CDH12: variants seen among roughly 807,000 people sequenced by gnomAD.
CDH12 encodes cadherin-12.
Under a neutral mutation model 74.1 loss-of-function variants are expected in CDH12, and 41 were observed. The observed-to-expected ratio is 0.55, with a 90% CI of 0.43 to 0.72. The LOEUF (loss-of-function observed/expected upper bound fraction) is 0.72, where lower values mean the gene tolerates loss of function less well. Ranked by LOEUF, CDH12 falls within the 30% of genes least tolerant of loss-of-function variation. The pLI, the probability that CDH12 is intolerant of heterozygous loss-of-function variation, is 0.00. For missense variants in CDH12, 945 were observed against 977.2 expected (o/e 0.97, Z 0.44); for synonymous variants, 399 against 355.0 (o/e 1.12, Z -1.39).
intron 2 of CDH12, among the ~76,000 whole-genome samples, chr5:22,497,638 C>CTTTTTTTTTT (rs747466944): frequency 3.6e-5 from 3 of 83,248 alleles, no homozygotes; most frequent in Non-Finnish European, 4.2e-5. Flanking sequence ...TGTCGAATCT[C>CTTTTTTTTTT]TTTTTTTTTT....
chr5:22,299,162 C>A (rs1737757647), intron 3 of CDH12, among the ~76,000 whole-genome samples: 1 of 152,064 alleles, frequency 6.6e-6, no homozygotes, highest in African/African-American at 2.4e-5. Context: ...AGAGGAAGTG[C>A]AAACCTCAGG....
intron 3 of CDH12, among the ~76,000 whole-genome samples, chr5:22,396,791 A>G (rs901332289): frequency 4.6e-5 from 7 of 152,052 alleles, no homozygotes; most frequent in Non-Finnish European, 1.0e-4. Context: ...CTAATCTACT[A>G]TCCTACAAAC....
chr5:22,123,589 C>T (rs1016718270), intron 4 of CDH12, among the ~76,000 whole-genome samples: 4 of 152,134 alleles, frequency 2.6e-5, no homozygotes, highest in Admixed American at 2.0e-4. Context: ...TCTGAGATAT[C>T]TCAGGTTTTA....
chr5:22,589,412 T>C (rs1378634937), intron 1 of CDH12, among the ~76,000 whole-genome samples: 4 of 152,134 alleles, frequency 2.6e-5, no homozygotes, highest in Non-Finnish European at 5.9e-5. Context: ...CCATCAAGAT[T>C]TTGAGGCCCA....
intron 5 of CDH12, among the ~76,000 whole-genome samples, chr5:21,989,662 T>G (rs1163298540): frequency 6.6e-6 from 1 of 152,184 alleles, no homozygotes; most frequent in Non-Finnish European, 1.5e-5. Context: ...CATAAGTAAC[T>G]AATGATTAGT....
intron 3 of CDH12, among the ~76,000 whole-genome samples, chr5:22,253,384 G>A (rs974230773): frequency 6.6e-6 from 1 of 151,666 alleles, no homozygotes; most frequent in Non-Finnish European, 1.5e-5. Flanking sequence ...ACCTATTTAG[G>A]ATGCTTATGC....
chr5:21,999,813 T>C (rs1198817778), intron 5 of CDH12, among the ~76,000 whole-genome samples: 2 of 151,540 alleles, frequency 1.3e-5, no homozygotes, highest in East Asian at 3.9e-4. Flanking sequence ...ATCACTTAAA[T>C]GCATAGACTT....
intron 1 of CDH12, among the ~76,000 whole-genome samples, chr5:22,742,049 C>T (rs1271213668): frequency 1.3e-5 from 2 of 151,938 alleles, no homozygotes; most frequent in Admixed American, 1.3e-4. Flanking sequence ...GGCATGATGG[C>T]AGGTGCCTGT....
At chr5:21,962,675 T>C (rs1373472379) in intron 6 of CDH12, among the ~76,000 whole-genome samples, 1 of 152,156 alleles carries the variant, frequency 6.6e-6, no homozygotes, top group Non-Finnish European at 1.5e-5. Flanking sequence ...TGAAAGCTGT[T>C]AAGTGGCTTC....
intron 1 of CDH12, among the ~76,000 whole-genome samples, chr5:22,781,770 C>A (rs1747395931): frequency 6.6e-6 from 1 of 151,996 alleles, no homozygotes; most frequent in African/African-American, 2.4e-5. Flanking sequence ...TCTAGGGATA[C>A]TATTGAATAG....
chr5:22,464,734 G>T (rs554210256), intron 2 of CDH12, among the ~76,000 whole-genome samples: 2 of 152,222 alleles, frequency 1.3e-5, no homozygotes, highest in South Asian at 4.1e-4. Flanking sequence ...AGGCACGGTG[G>T]CTCACGCCTG....
intron 1 of CDH12, among the ~76,000 whole-genome samples, chr5:22,763,637 T>C (rs1244093015): frequency 6.6e-6 from 1 of 151,936 alleles, no homozygotes; most frequent in Non-Finnish European, 1.5e-5. Flanking sequence ...TTTTGGTTTC[T>C]AACCTATAAA....
At chr5:22,191,664 A>ACGT (rs1448517902) in intron 4 of CDH12, among the ~76,000 whole-genome samples, 1 of 134,324 alleles carries the variant, frequency 7.4e-6, no homozygotes, top group Non-Finnish European at 1.6e-5. Flanking sequence ...TCCCGGGTTC[A>ACGT]CGCCATTCTC....
At chr5:22,524,043 G>A (rs1202107975) in intron 1 of CDH12, among the ~76,000 whole-genome samples, 1 of 150,626 alleles carries the variant, frequency 6.6e-6, no homozygotes, top group Non-Finnish European at 1.5e-5. Context: ...GTGCAGTGGA[G>A]CCATTACGGC....
At chr5:22,646,287 A>C (rs925133308) in intron 1 of CDH12, among the ~76,000 whole-genome samples, 3 of 151,800 alleles carry the variant, frequency 2.0e-5, no homozygotes, top group Non-Finnish European at 4.4e-5. Context: ...GTGGAAATCA[A>C]CTACTGGAAA....
At chr5:22,317,780 A>T (rs1302229029) in intron 3 of CDH12, among the ~76,000 whole-genome samples, 1 of 152,226 alleles carries the variant, frequency 6.6e-6, no homozygotes, top group African/African-American at 2.4e-5. Flanking sequence ...GTAATGCAAT[A>T]ATTTGTCTTG....
At chr5:21,773,720 A>G (rs1020698947) in intron 11 of CDH12, among the ~76,000 whole-genome samples, 4 of 147,728 alleles carry the variant, frequency 2.7e-5, no homozygotes, top group Admixed American at 6.6e-5. Flanking sequence ...ATATTCATCT[A>G]CTAAGGAATT....
At chr5:22,369,633 G>T (rs770576648) in intron 3 of CDH12, among the ~76,000 whole-genome samples, 1 of 152,160 alleles carries the variant, frequency 6.6e-6, no homozygotes, top group Non-Finnish European at 1.5e-5. Flanking sequence ...CAATACCTTT[G>T]AAGGACTGAG....
intron 4 of CDH12, among the ~76,000 whole-genome samples, chr5:22,204,388 C>T (rs1011055415): frequency 2.6e-5 from 4 of 152,158 alleles, no homozygotes; most frequent in Non-Finnish European, 4.4e-5. Flanking sequence ...GTCTTGATCT[C>T]CTGACCTCAT....
Sources: allele counts gnomAD v4.1 joint callset (sites outside exome capture counted in the v4.1 genomes callset), GRCh38; gene constraint gnomAD v4.1.1; transcripts MANE v1.5; gene names NCBI Gene and HGNC (gene_info 2026-07-23, HGNC 2026-07-21).